The following RBM48 variants were observed in gnomAD, a reference collection of about 807,000 sequenced individuals.
RBM48 encodes RNA-binding protein 48.
In RBM48, 32 loss-of-function variants were observed where a neutral mutation model predicts 34.8. That is an observed-to-expected ratio of 0.92 (90% CI 0.69 to 1.23). The LOEUF is 1.23. RBM48 is among the 50% of genes most tolerant of loss of function. The pLI, the probability that RBM48 is intolerant of heterozygous loss-of-function variation, is 0.00. For missense variants in RBM48, 441 were observed against 447.2 expected, an observed-to-expected ratio of 0.99 and a Z score of 0.12; for synonymous variants, 151 against 156.2, an observed-to-expected ratio of 0.97 and a Z score of 0.25.
intron 2 of RBM48, among the ~76,000 whole-genome samples, chr7:92,532,085 T>C (rs1405145018): frequency 6.6e-6 from 1 of 152,190 alleles, no homozygotes; most frequent in African/African-American, 2.4e-5. Context: ...AACCAACTCT[T>C]CAGGGCCACA....
At chr7:92,531,102 T>C (rs1793564850) in intron 2 of RBM48, among the ~76,000 whole-genome samples, 1 of 152,100 alleles carries the variant, frequency 6.6e-6, no homozygotes, top group South Asian at 2.1e-4. Context: ...AAGTTGGGTT[T>C]GGAGTAAGTT....
chr7:92,535,714 A>G (rs1793694997), intron 4 of RBM48: 2 of 984,722 alleles, frequency 2.0e-6, no homozygotes, highest in Non-Finnish European at 2.4e-6. Context: ...ATATTTTACA[A>G]TGTGATTAAG....
At chr7:92,536,816 CTAAGTTT>C in intron 4 of RBM48, 28 bp from the exon 5 acceptor site, 3 of 1,542,676 alleles carry the variant, frequency 1.9e-6, no homozygotes, top group Non-Finnish European at 2.6e-6. Context: ...GCTATAGAAA[CTAAGTTT>C]TAATGGTTCT....
chr7:92,536,955 A>C lies in RBM48; in HGVS notation c.*18A>C. The stretch of plus-strand genomic sequence containing the variant: ...GAATATAGAGTGCCAGCAGCAACTT[A>C]GTATTTTCTAAAAAGAACATTTATT... On this transcript the variant is annotated 3_prime_UTR_variant, in exon 5 of 5. Transcript: ENST00000265732. The C allele has an allele frequency of 1.3e-6, 2 of 1,512,434 alleles. No homozygotes were observed. Among genetic ancestry groups the C allele is most frequent in the Non-Finnish European group, 1.8e-6 (2 of 1,120,360 alleles). The allele number at this position is 1,512,434 out of a possible 1,614,324, so 93.7% of individuals were successfully genotyped here. A position where few individuals can be genotyped will look rare whatever the true frequency, so the allele number is the denominator to read the frequency against.
intron 4 of RBM48, chr7:92,536,088 C>A: frequency 1.2e-6 from 1 of 828,394 alleles, no homozygotes; most frequent in Non-Finnish European, 1.5e-6. Context: ...CAAGATCATG[C>A]CACTGCACTC....
chr7:92,532,614 C>A, intron 3 of RBM48, 65 bp downstream of exon 3: 1 of 1,183,542 alleles, frequency 8.4e-7, no homozygotes, highest in Non-Finnish European at 1.2e-6. Context: ...TGTCATCATG[C>A]AATTCCCAGT....
chr7:92,529,046 G>A, intron 1 of RBM48, 122 bp downstream of exon 1: 1 of 775,338 alleles, frequency 1.3e-6, no homozygotes, highest in Non-Finnish European at 2.2e-6. Flanking sequence ...TCTCGTTAGA[G>A]CTGGCGTGAA....
rs1378350122 is a variant in RBM48 at position 92,529,004 on chromosome 7, AAAGGCACGAC to A, written c.111+86_111+95del. 3.8e-6 allele frequency: 4 copies of A among 1,048,472 alleles called. No individual in the cohort carries two copies. The African/African-American group carries it at 6.3e-5, about 17-fold the overall frequency. The allele number at this position is 1,048,472 out of a possible 1,614,324, so 64.9% of individuals were successfully genotyped here. On this transcript the variant is annotated intron_variant, in intron 1 of 4. Transcript: ENST00000265732. ...CGCCATATGACCAGCCTACGGAAAT[AAAGGCACGAC>A]AAGGCTTCCGTCAGATCTGTCTCTC... is the stretch of plus-strand genomic sequence containing the variant.
chr7:92,538,477 C>G lies in RBM48; in HGVS notation c.*1540C>G, dbSNP rs1793779640. 6.6e-6 allele frequency among the ~76,000 whole-genome samples: 1 copy of G among 152,184 alleles called. No individual in the cohort carries two copies. The highest frequency in any genetic ancestry group is 2.1e-4 in the South Asian group (1 of 4,832). ...AAGAGAAATGGCCTCTCTCCTCACACTGATCCAAATTAACTAGGATGGCTC... is the reference window on the plus strand; with the variant it reads ...AAGAGAAATGGCCTCTCTCCTCACAGTGATCCAAATTAACTAGGATGGCTC... On this transcript the variant is annotated 3_prime_UTR_variant, in exon 5 of 5. Coordinates refer to ENST00000265732, the MANE Select transcript of RBM48 (RefSeq NM_032120.4).
In RBM48 at chr7:92,539,169, T is replaced by C. The variant is rs1032927961; in HGVS notation, c.*2232T>C. On this transcript the variant is annotated 3_prime_UTR_variant, in exon 5 of 5. Transcript: ENST00000265732. ...AACTCTGGAAGCAGCTGAAGAACGG[T>C]TGGCTGTTCCATCCTAAGCAGTTAC... Among the ~76,000 whole-genome samples, 3 of 152,220 alleles carry C rather than the reference T, an allele frequency of 2.0e-5. No homozygotes were observed. Among genetic ancestry groups the C allele is most frequent in the Non-Finnish European group, 2.9e-5 (2 of 68,048 alleles).
chr7:92,535,724 G>A, intron 4 of RBM48: 1 of 983,414 alleles, frequency 1.0e-6, no homozygotes, highest in Non-Finnish European at 1.2e-6. Flanking sequence ...ATGTGATTAA[G>A]GGAGGCTAAG....
At position 92,528,923 on chromosome 7, in the gene RBM48, A is replaced by C; in HGVS notation, c.110A>C (p.Lys37Thr). The C allele has an allele frequency of 6.2e-7, 1 of 1,611,964 alleles. No homozygotes were observed. Among genetic ancestry groups the C allele is most frequent in the Non-Finnish European group, 8.5e-7 (1 of 1,178,400 alleles). The change falls in exon 1 of 5, where the codon AAG becomes ACG. Residue 37 changes from lysine to threonine, a missense_variant and splice_region_variant. By Grantham distance (78) the Lys-to-Thr change is moderately conservative. Coordinates refer to ENST00000265732, the MANE Select transcript of RBM48 (RefSeq NM_032120.4). ...GAGGGACGACGGCCTCGTGCTGTGA[A>C]GGTAAAGTGATTTTGGTTTCATTCG... ...YREGRRPRAV[K>T]VYTINLESQY...
rs751279818 is a variant in RBM48 at position 92,536,897 on chromosome 7, T to C, written c.1064T>C (p.Val355Ala). The C allele has an allele frequency of 6.2e-7, 1 of 1,609,874 alleles. No individual in the cohort carries two copies. Among genetic ancestry groups the C allele is most frequent in the East Asian group, 2.2e-5 (1 of 44,760 alleles). ...CCTCCAGAGGACAAGCCAGAAGATG[T>C]ACATACAAGTCATCCATTAAAACAA... ...PKPPEDKPEDVHTSHPLKQRR... is the reference protein window; with the variant it reads ...PKPPEDKPEDAHTSHPLKQRR... The change falls in exon 5 of 5, where the codon GTA becomes GCA. Residue 355 changes from valine (V) to alanine (A), a missense_variant. Transcript: ENST00000265732.
chr7:92,538,828 G>A lies in RBM48; in HGVS notation c.*1891G>A, dbSNP rs1793789090. Reference sequence around the variant, plus strand: ...ATGAAAAGAGTTCTAGAGATCTGTTGCATGACAAACGTTACCTGACAGTTA... The same window carrying A: ...ATGAAAAGAGTTCTAGAGATCTGTTACATGACAAACGTTACCTGACAGTTA... On this transcript the variant is annotated 3_prime_UTR_variant, in exon 5 of 5. Transcript: ENST00000265732. Among the ~76,000 whole-genome samples the A allele has an allele frequency of 6.6e-6, 1 of 152,160 alleles. No homozygotes were observed. Among genetic ancestry groups the A allele is most frequent in the Non-Finnish European group, 1.5e-5 (1 of 68,024 alleles).
chr7:92,536,346 A>G (rs1354892982), intron 4 of RBM48: 1 of 978,938 alleles, frequency 1.0e-6, no homozygotes, highest in Admixed American at 6.1e-5. Context: ...TTCCATTTCA[A>G]ATGAAGACTC....
At position 92,534,563 on chromosome 7, in the gene RBM48, T is replaced by C. The variant is rs1312549512; in HGVS notation, c.610T>C (p.Cys204Arg). 3 of 1,614,086 alleles carry C rather than the reference T, an allele frequency of 1.9e-6. No individual in the cohort carries two copies. Among genetic ancestry groups the C allele is most frequent in the Non-Finnish European group, 2.5e-6 (3 of 1,180,048 alleles). ...TCCGTATTCCTGTGAATTGCCTTTA[T>C]GTTATTTCTCCTCAAAATGTATGTG... Reference protein sequence around the residue: ...YLPYSCELPLCYFSSKCMCSS... With the variant: ...YLPYSCELPLRYFSSKCMCSS... The change falls in exon 4 of 5, where the codon TGT (cysteine) becomes CGT (arginine). Residue 204 changes from cysteine to arginine, a missense_variant. Transcript: ENST00000265732.
chr7:92,537,145 T>TAC lies in RBM48; in HGVS notation c.*208_*209insAC. The TAC allele has an allele frequency of 2.9e-6, 1 of 350,872 alleles. No individual in the cohort carries two copies. The highest frequency in any genetic ancestry group is 5.3e-6 in the Non-Finnish European group (1 of 187,942). 21.7% of individuals were successfully genotyped at this position (350,872 alleles called of 1,614,324 possible). On this transcript the variant is annotated 3_prime_UTR_variant, in exon 5 of 5. Transcript: ENST00000265732. ...TTGCCCAGGCTGGAATGCAGTGGCG[T>TAC]GATCTCGGCTCACTGCAACCTCCAC...
At chr7:92,531,180 C>T (rs1793566546) in intron 2 of RBM48, among the ~76,000 whole-genome samples, 1 of 152,194 alleles carries the variant, frequency 6.6e-6, no homozygotes, top group African/African-American at 2.4e-5. Flanking sequence ...AGTTTTTCCT[C>T]TTCCATAAAA....
At position 92,530,472 on chromosome 7, in the gene RBM48, A is replaced by T. The variant is rs1365679205; in HGVS notation, c.302+806A>T. Among the ~76,000 whole-genome samples the T allele has an allele frequency of 2.0e-5, 3 of 148,754 alleles. No individual in the cohort carries two copies. In the Admixed American group the frequency reaches 2.0e-4, roughly 10 times the overall value. On this transcript the variant is annotated intron_variant, in intron 2 of 4. Transcript: ENST00000265732. ...ATCATGCCACTGCCCTCCAGCCTAG[A>T]TGACAGAGCAAGGCTCTGTCTCAAA... is the stretch of plus-strand genomic sequence containing the variant.
Sources: allele counts gnomAD v4.1 joint callset (sites outside exome capture counted in the v4.1 genomes callset), GRCh38; gene constraint gnomAD v4.1.1; transcripts MANE v1.5; gene names NCBI Gene and HGNC (gene_info 2026-07-23, HGNC 2026-07-21).